The following NME7 variants were observed in gnomAD, a reference collection of about 807,000 sequenced individuals.
The protein encoded by NME7 is NME/NM23 family member 7, also known as nucleoside diphosphate kinase 7.
A neutral mutation model predicts 49.1 loss-of-function variants in NME7; 41 were observed. That is an observed-to-expected ratio of 0.83 (90% CI 0.65 to 1.08). The LOEUF is 1.08. Among genes scored for constraint, NME7 ranks in the 50% least tolerant of loss-of-function variants. The pLI is 0.00. For synonymous variants in NME7, 139 were observed against 150.6 expected (o/e 0.92, Z 0.56); for missense variants, 423 against 463.4 (o/e 0.91, Z 0.80).
At chr1:169,313,222 A>C (rs1010603774) in intron 3 of NME7, among the ~76,000 whole-genome samples, 1 of 148,050 alleles carries the variant, frequency 6.8e-6, no homozygotes, top group Non-Finnish European at 1.5e-5. Flanking sequence ...AAAAAAAAAA[A>C]CAACCAAAGA....
intron 10 of NME7, among the ~76,000 whole-genome samples, chr1:169,173,055 G>A (rs1659650221): frequency 6.6e-6 from 1 of 152,180 alleles, no homozygotes; most frequent in Non-Finnish European, 1.5e-5. Context: ...TCAGGATGGA[G>A]TAGCAAATAA....
rs1649454082 is a variant in NME7, at chr1:169,270,448, C to T, written c.754+16855G>A. ...CCTACTTCATGCACTTAAATCAGAC[C>T]TAGGCTTTAACTGGGGAAAAAAATT... On this transcript the variant is annotated intron_variant, in intron 7 of 11. Coordinates refer to ENST00000367811, the MANE Select transcript of NME7 (RefSeq NM_013330.5). Among the ~76,000 whole-genome samples the T allele has an allele frequency of 1.5e-5, 2 of 133,570 alleles. 1 individual carries two copies. The highest frequency in any genetic ancestry group is 1.5e-4 in the Admixed American group (2 of 13,572). The allele number at this position is 133,570 out of a possible 152,430, so 87.6% of individuals were successfully genotyped here. A position where few individuals can be genotyped will look rare whatever the true frequency, so the allele number is the denominator to read the frequency against.
At chr1:169,367,239 T>C (rs1174410047) in intron 1 of NME7, among the ~76,000 whole-genome samples, 1 of 152,120 alleles carries the variant, frequency 6.6e-6, no homozygotes, top group Non-Finnish European at 1.5e-5. Context: ...TGATCCAACA[T>C]ACACCTGTTA....
At chr1:169,292,413 T>C (rs1324374702) in intron 6 of NME7, among the ~76,000 whole-genome samples, 1 of 152,152 alleles carries the variant, frequency 6.6e-6, no homozygotes, top group Admixed American at 6.5e-5. Context: ...AGAAAATACT[T>C]GCAAATCATA....
At chr1:169,327,727 G>C (rs1425032916) in intron 1 of NME7, among the ~76,000 whole-genome samples, 1 of 152,060 alleles carries the variant, frequency 6.6e-6, no homozygotes, top group South Asian at 2.1e-4. Context: ...TGGAAATATT[G>C]ACCAATATTG....
Position 169,282,434 on chromosome 1 carries a change from G to A in NME7, c.754+4869C>T, listed in dbSNP as rs567092064. On this transcript the variant is annotated intron_variant, in intron 7 of 11. Coordinates refer to ENST00000367811, the MANE Select transcript of NME7 (RefSeq NM_013330.5). ...TCATTGATTTTTTGAAGGGTTTTTTGTGTCTCTATCTCCTTCAGTTCTGCT... is the reference window on the plus strand; with the variant it reads ...TCATTGATTTTTTGAAGGGTTTTTTATGTCTCTATCTCCTTCAGTTCTGCT... Among the ~76,000 whole-genome samples, 4 of 151,986 alleles carry A rather than the reference G, an allele frequency of 2.6e-5. No homozygotes were observed. In the South Asian group the frequency reaches 8.3e-4, roughly 32 times the overall value.
At chr1:169,340,638 T>C (rs2101960647) in intron 1 of NME7, among the ~76,000 whole-genome samples, 1 of 152,314 alleles carries the variant, frequency 6.6e-6, no homozygotes, top group Non-Finnish European at 1.5e-5. Flanking sequence ...TGTTGAATGG[T>C]TTTGACCAAA....
At chr1:169,225,862 A>C (rs998203191) in intron 10 of NME7, among the ~76,000 whole-genome samples, 1 of 152,214 alleles carries the variant, frequency 6.6e-6, no homozygotes, top group African/African-American at 2.4e-5. Context: ...AATCTGCAAC[A>C]TATATAGTTA....
At chr1:169,280,870 G>T (rs765181476) in intron 7 of NME7, among the ~76,000 whole-genome samples, 12 of 151,444 alleles carry the variant, frequency 7.9e-5, no homozygotes, top group Non-Finnish European at 1.0e-4. Flanking sequence ...TTGTAGTATA[G>T]TTAGAAGTCA....
At chr1:169,281,647 G>C (rs1203294458) in intron 7 of NME7, among the ~76,000 whole-genome samples, 1 of 152,170 alleles carries the variant, frequency 6.6e-6, no homozygotes, top group Non-Finnish European at 1.5e-5. Flanking sequence ...AGTTTATTGA[G>C]AGTTTTTAGC....
intron 7 of NME7, among the ~76,000 whole-genome samples, chr1:169,240,675 A>G (rs1472101577): frequency 6.6e-6 from 1 of 152,026 alleles, no homozygotes; most frequent in Non-Finnish European, 1.5e-5. Context: ...GGCAAATACC[A>G]GCTCACTGAG....
chr1:169,285,884 C>T (rs1248515487), intron 7 of NME7: 1 of 152,092 alleles, frequency 6.6e-6, no homozygotes, highest in Non-Finnish European at 1.5e-5. Context: ...GGCTCATATC[C>T]TTCCAACAAG....
intron 6 of NME7, among the ~76,000 whole-genome samples, chr1:169,296,763 T>C (rs1409197754): frequency 1.3e-5 from 2 of 152,196 alleles, no homozygotes; most frequent in Non-Finnish European, 2.9e-5. Context: ...CTAAGAACTT[T>C]GGAGTAATAC....
At chr1:169,167,012 G>C (rs1263306156) in intron 11 of NME7, among the ~76,000 whole-genome samples, 2 of 152,060 alleles carry the variant, frequency 1.3e-5, no homozygotes, top group Non-Finnish European at 2.9e-5. Flanking sequence ...ATACATTTTA[G>C]GGACTAACCA....
At chr1:169,365,559 AT>A (rs569586265) in intron 1 of NME7, among the ~76,000 whole-genome samples, 67 of 148,632 alleles carry the variant, frequency 4.5e-4, no homozygotes, top group South Asian at 1.1e-3. Context: ...AGGCAAGAGA[AT>A]TTTTTTTTTT....
chr1:169,172,080 A>G (rs1659612827), intron 10 of NME7, among the ~76,000 whole-genome samples: 1 of 151,368 alleles, frequency 6.6e-6, no homozygotes, highest in African/African-American at 2.4e-5. Flanking sequence ...CTCTTCATGC[A>G]GCCCTCCAAC....
intron 11 of NME7, 29 bp from the exon 12 acceptor site, chr1:169,132,846 G>T (rs758587496): frequency 6.2e-7 from 1 of 1,610,402 alleles, no homozygotes; most frequent in Non-Finnish European, 8.5e-7. Context: ...TAATTTCTTA[G>T]TTCAGACAAA....
At position 169,235,204 on chromosome 1, in the gene NME7, A is replaced by G. The variant is rs1409438549; in HGVS notation, c.820-5T>C. ...ATTAACCCGATCCATATTGAACTAT[A>G]TTAAAAAATAAAACAAAACAAAACC... On this transcript the variant is annotated splice_region_variant and splice_polypyrimidine_tract_variant and intron_variant, in intron 8 of 11. Transcript: ENST00000367811. 1 of 1,494,190 alleles carries G rather than the reference A, an allele frequency of 6.7e-7. No homozygotes were observed. Among genetic ancestry groups the G allele is most frequent in the African/African-American group, 1.4e-5 (1 of 71,128 alleles). 92.6% of individuals were successfully genotyped at this position (1,494,190 alleles called of 1,614,324 possible).
chr1:169,247,672 T>C (rs557667291), intron 7 of NME7, among the ~76,000 whole-genome samples: 3 of 152,112 alleles, frequency 2.0e-5, no homozygotes, highest in South Asian at 2.1e-4. Context: ...AAGTCCATCA[T>C]AGAATTCTGT....
Sources: gnomAD v4.1 joint callset for allele counts (sites outside exome capture counted in the v4.1 genomes callset) on GRCh38, gnomAD v4.1.1 for gene constraint, MANE v1.5 for transcripts, NCBI Gene and HGNC (gene_info 2026-07-23, HGNC 2026-07-21) for gene names.